Variants in CDC34 observed in about 807,000 individuals in gnomAD.
The protein encoded by CDC34 is ubiquitin-conjugating enzyme E2 R1.
CDC34 carries 18 observed loss-of-function variants against 26.8 expected under a neutral mutation model. The observed-to-expected ratio is 0.67, with a 90% CI of 0.47 to 1.00. CDC34 has a LOEUF of 1.00. Among genes scored for constraint, CDC34 ranks in the 50% least tolerant of loss-of-function variants. The probability of loss-of-function intolerance (pLI) is 0.00; values close to 1 mark genes in which losing one functional copy is unlikely to be tolerated. For missense variants in CDC34, 280 were observed against 334.5 expected (o/e 0.84, Z 1.27); for synonymous variants, 178 against 147.5 (o/e 1.21, Z -1.50).
chr19:539,593 C>T (rs10853978), intron 4 of CDC34, among the ~76,000 whole-genome samples: 57,786 of 152,064 alleles, frequency 0.38, 12,591 homozygotes, highest in East Asian at 0.56. Context: ...TGTCTGTCTG[C>T]TCCCTGGTGC....
intron 4 of CDC34, among the ~76,000 whole-genome samples, chr19:539,472 T>C (rs565993068): frequency 1.1e-4 from 17 of 152,276 alleles, no homozygotes; most frequent in South Asian, 6.2e-4. Context: ...AAGCAAAGCT[T>C]GGCGTCCGCT....
intron 1 of CDC34, among the ~76,000 whole-genome samples, chr19:533,432 C>T (rs1445001267): frequency 6.6e-6 from 1 of 152,212 alleles, no homozygotes; most frequent in African/African-American, 2.4e-5. Flanking sequence ...CTGCTGGGGG[C>T]GATTCCTGAG....
chr19:532,617 G>A (rs901391480), intron 1 of CDC34, among the ~76,000 whole-genome samples: 1 of 152,210 alleles, frequency 6.6e-6, no homozygotes. Flanking sequence ...GCCCGTGAGC[G>A]GGGGAGCGAG....
Position 531,888 on chromosome 19 carries a change from C to G in CDC34, c.-44C>G, listed in dbSNP as rs972303330. The G allele has an allele frequency of 8.0e-7, 1 of 1,244,412 alleles. No individual in the cohort carries two copies. Among genetic ancestry groups the G allele is most frequent in the Non-Finnish European group, 1.0e-6 (1 of 989,600 alleles). 77.1% of individuals were successfully genotyped at this position (1,244,412 alleles called of 1,614,324 possible). A position where few individuals can be genotyped will look rare whatever the true frequency, so the allele number is the denominator to read the frequency against. Reference sequence around the variant, plus strand: ...CCGTCTCGCGAACTCGCGGTGGTCGCGCGGCCCCGCGCTGCTCCGACCCCG... The same window carrying G: ...CCGTCTCGCGAACTCGCGGTGGTCGGGCGGCCCCGCGCTGCTCCGACCCCG... On this transcript the variant is annotated 5_prime_UTR_variant, in exon 1 of 5. Transcript: ENST00000215574.
chr19:541,127 C>A lies in CDC34; in HGVS notation c.498-212C>A, dbSNP rs1389256105. ...GACTGCACTGCGCCCGTCCAGCCTC[C>A]CACCCGCACCTCCTGCCCTTCCCGA... On this transcript the variant is annotated intron_variant, in intron 4 of 4. Coordinates refer to ENST00000215574, the MANE Select transcript of CDC34 (RefSeq NM_004359.2). 9 of 595,270 alleles carry A rather than the reference C, an allele frequency of 1.5e-5. No individual in the cohort carries two copies. In the South Asian group the frequency reaches 1.7e-4, roughly 11 times the overall value. 36.9% of individuals were successfully genotyped at this position (595,270 alleles called of 1,614,324 possible). A position where few individuals can be genotyped will look rare whatever the true frequency, so the allele number is the denominator to read the frequency against.
chr19:537,434 G>A (rs1054930412), intron 4 of CDC34, among the ~76,000 whole-genome samples: 4 of 150,580 alleles, frequency 2.7e-5, no homozygotes, highest in Admixed American at 2.0e-4. Context: ...CTCACTGCAA[G>A]CTCCGCCTCC....
chr19:539,992 CG>C (rs1206652770), intron 4 of CDC34, among the ~76,000 whole-genome samples: 1 of 141,902 alleles, frequency 7.0e-6, no homozygotes, highest in Non-Finnish European at 1.6e-5. Context: ...ATCCGGAGGC[CG>C]GGGTGGCCAG....
chr19:538,615 C>A, intron 4 of CDC34: 1 of 755,098 alleles, frequency 1.3e-6, no homozygotes, highest in Non-Finnish European at 1.6e-6. Flanking sequence ...TTTGTATAAA[C>A]AGAATCTTAA....
chr19:537,301 G>T (rs1434324141), intron 4 of CDC34, among the ~76,000 whole-genome samples, 154 bp downstream of exon 4: 2 of 152,194 alleles, frequency 1.3e-5, no homozygotes, highest in Non-Finnish European at 2.9e-5. Flanking sequence ...ATGGAGGCCG[G>T]GCCGAGTGGC....
intron 1 of CDC34, among the ~76,000 whole-genome samples, chr19:535,397 C>T (rs550679751): frequency 6.6e-6 from 1 of 152,386 alleles, no homozygotes; most frequent in South Asian, 2.1e-4. Flanking sequence ...CACACCCTGG[C>T]TGCCAAGGCC....
intron 1 of CDC34, among the ~76,000 whole-genome samples, chr19:534,106 G>A (rs1313102353): frequency 6.6e-6 from 1 of 152,212 alleles, no homozygotes; most frequent in African/African-American, 2.4e-5. Context: ...TTGGGACTTG[G>A]TGGGGTTTGG....
intron 1 of CDC34, among the ~76,000 whole-genome samples, chr19:535,568 G>A (rs745789869): frequency 1.6e-4 from 24 of 152,206 alleles, no homozygotes; most frequent in African/African-American, 5.5e-4. Context: ...CAGTGCCCAC[G>A]TTCCCCAGCA....
Position 536,299 on chromosome 19 carries a change from G to A in CDC34, c.321G>A (p.Gly107=), listed in dbSNP as rs760105056. 4 of 1,612,540 alleles carry A rather than the reference G, an allele frequency of 2.5e-6. No homozygotes were observed. Among genetic ancestry groups the A allele is most frequent in the South Asian group, 2.2e-5 (2 of 90,972 alleles). Residue 107 remains glycine (G), a synonymous_variant, in exon 3 of 5, where the codon GGG becomes GGA. Coordinates refer to ENST00000215574, the MANE Select transcript of CDC34 (RefSeq NM_004359.2). ...LHPPVDDPQS[G]ELPSERWNPT... The stretch of plus-strand genomic sequence containing the variant: ...CGCCGGTGGACGACCCCCAGAGCGG[G>A]GAGCTGCCCTCAGAGAGGTGGAACC...
In CDC34 at chr19:531,874, A is replaced by G. The variant is rs1452601938; in HGVS notation, c.-58A>G. The G allele has an allele frequency of 2.6e-6, 3 of 1,169,182 alleles. No individual in the cohort carries two copies. The highest frequency in any genetic ancestry group is 3.3e-5 in the African/African-American group (2 of 61,158). 72.4% of individuals were successfully genotyped at this position (1,169,182 alleles called of 1,614,324 possible). A position where few individuals can be genotyped will look rare whatever the true frequency, so the allele number is the denominator to read the frequency against. On this transcript the variant is annotated 5_prime_UTR_variant, in exon 1 of 5. Coordinates refer to ENST00000215574, the MANE Select transcript of CDC34 (RefSeq NM_004359.2). ...GTGCGCGGCCCGGCCCGTCTCGCGA[A>G]CTCGCGGTGGTCGCGCGGCCCCGCG...
chr19:541,570 T>TG lies in CDC34; in HGVS notation c.*19dup, dbSNP rs1190599696. ...AGTCCTGACACCACCAGAATAAACT[T>TG]GCCGAGTTTACCTCACTAGGGCCGG... On this transcript the variant is annotated 3_prime_UTR_variant, in exon 5 of 5. Coordinates refer to ENST00000215574, the MANE Select transcript of CDC34 (RefSeq NM_004359.2). 1.1e-5 allele frequency: 17 copies of TG among 1,550,576 alleles called. No individual in the cohort carries two copies. Among genetic ancestry groups the TG allele is most frequent in the Non-Finnish European group, 1.5e-5 (17 of 1,145,444 alleles).
In CDC34 at chr19:534,317, G is replaced by A. The variant is rs16990530; in HGVS notation, c.178-1520G>A. Among the ~76,000 whole-genome samples, 630 of 151,782 alleles carry A rather than the reference G, an allele frequency of 4.2e-3. 3 individuals are homozygous for A. The highest frequency in any genetic ancestry group is 0.014 in the African/African-American group (569 of 41,366). On this transcript the variant is annotated intron_variant, in intron 1 of 4. Coordinates refer to ENST00000215574, the MANE Select transcript of CDC34 (RefSeq NM_004359.2). ...CAGAGGACACCCCCCAAGACACCCC[G>A]CGTGCCCTCCCTGTCCAGGAGGGGC...
At position 537,280 on chromosome 19, in the gene CDC34, G is replaced by A. The variant is rs537408764; in HGVS notation, c.497+133G>A. The stretch of plus-strand genomic sequence containing the variant: ...GCTTCCTGGTGCCCATTTACAGGGT[G>A]CCAGTCACAGATGGAGGCCGGGCCG... On this transcript the variant is annotated intron_variant, in intron 4 of 4. Coordinates refer to ENST00000215574, the MANE Select transcript of CDC34 (RefSeq NM_004359.2). The A allele has an allele frequency of 3.4e-5, 35 of 1,018,836 alleles. No homozygotes were observed. In the Admixed American group the frequency reaches 6.5e-4, roughly 19 times the overall value. 63.1% of individuals were successfully genotyped at this position (1,018,836 alleles called of 1,614,324 possible).
chr19:538,487 G>A (rs2288951), intron 4 of CDC34, among the ~76,000 whole-genome samples: 54,838 of 151,926 alleles, frequency 0.36, 12,110 homozygotes, highest in East Asian at 0.56. Flanking sequence ...CGGGTTGACG[G>A]CCTTAATGGT....
Position 536,298 on chromosome 19 carries a change from G to A in CDC34, c.320G>A (p.Gly107Glu). The A allele has an allele frequency of 6.2e-7, 1 of 1,612,504 alleles. No individual in the cohort carries two copies. Among genetic ancestry groups the A allele is most frequent in the Non-Finnish European group, 8.5e-7 (1 of 1,179,718 alleles). ...LHPPVDDPQS[G>E]ELPSERWNPT... ...CCGCCGGTGGACGACCCCCAGAGCG[G>A]GGAGCTGCCCTCAGAGAGGTGGAAC... Residue 107 changes from glycine (G) to glutamate (E), a missense_variant, in exon 3 of 5, where the codon GGG (glycine) becomes GAG (glutamate). Coordinates refer to ENST00000215574, the MANE Select transcript of CDC34 (RefSeq NM_004359.2).
Sources: gnomAD v4.1 joint callset for allele counts (sites outside exome capture counted in the v4.1 genomes callset) on GRCh38, gnomAD v4.1.1 for gene constraint, MANE v1.5 for transcripts, NCBI Gene and HGNC (gene_info 2026-07-23, HGNC 2026-07-21) for gene names.